The following ABL2 variants were observed in gnomAD, a reference collection of about 807,000 sequenced individuals.
ABL2 encodes the protein ABL proto-oncogene 2, non-receptor tyrosine kinase, also known as tyrosine-protein kinase ABL2.
In ABL2, 49 loss-of-function variants were observed where a neutral mutation model predicts 107.7. The observed-to-expected ratio is 0.45, with a 90% CI of 0.36 to 0.58. ABL2 has a LOEUF of 0.58. ABL2 is among the 20% of genes least tolerant of loss of function. The pLI, the probability that ABL2 is intolerant of heterozygous loss-of-function variation, is 0.00. For missense variants in ABL2, 1,245 were observed against 1,457.0 expected (o/e 0.85, Z 2.37); for synonymous variants, 549 against 548.6 (o/e 1.00, Z -0.01).
chr1:179,138,162 T>A (rs1657216907), intron 1 of ABL2, among the ~76,000 whole-genome samples: 1 of 152,228 alleles, frequency 6.6e-6, no homozygotes, highest in Admixed American at 6.5e-5. Context: ...ATCATGCTGA[T>A]AACTCAGTTA....
rs1226541641 is a variant in ABL2 at position 179,117,115 on chromosome 1, G to A, written c.1408+217C>T. On this transcript the variant is annotated intron_variant, in intron 8 of 11. Coordinates refer to ENST00000502732, the MANE Select transcript of ABL2 (RefSeq NM_007314.4). ...GGCCCAAAGTGCTGTAATTACAAAC[G>A]TGAGCCACCACACCAGGCCTATACT... 3.0e-5 allele frequency: 17 copies of A among 560,538 alleles called. No homozygotes were observed. In the Admixed American group the frequency reaches 4.7e-4, roughly 15 times the overall value. The allele number at this position is 560,538 out of a possible 1,614,324, so 34.7% of individuals were successfully genotyped here. A position where few individuals can be genotyped will look rare whatever the true frequency, so the allele number is the denominator to read the frequency against.
chr1:179,106,652 C>T lies in ABL2; in HGVS notation c.*1066G>A. The T allele has an allele frequency of 4.3e-6, 1 of 232,238 alleles. No homozygotes were observed. Among genetic ancestry groups the T allele is most frequent in the Admixed American group, 5.6e-5 (1 of 17,760 alleles). 14.4% of individuals were successfully genotyped at this position (232,238 alleles called of 1,614,324 possible). On this transcript the variant is annotated 3_prime_UTR_variant, in exon 12 of 12. Coordinates refer to ENST00000502732, the MANE Select transcript of ABL2 (RefSeq NM_007314.4). ...GGTACAGAGAAACAGCCATTAGGACCAAGCCAGCTTTTCCTCTCAGTCACA... is the reference window on the plus strand; with the variant it reads ...GGTACAGAGAAACAGCCATTAGGACTAAGCCAGCTTTTCCTCTCAGTCACA...
chr1:179,116,278 G>A (rs987111376), intron 8 of ABL2, among the ~76,000 whole-genome samples: 1 of 152,130 alleles, frequency 6.6e-6, no homozygotes, highest in African/African-American at 2.4e-5. Flanking sequence ...GGAGGCTGAG[G>A]CAGGAGAATC....
intron 1 of ABL2, among the ~76,000 whole-genome samples, chr1:179,133,938 C>T (rs1046761000): frequency 1.3e-5 from 2 of 152,118 alleles, no homozygotes; most frequent in East Asian, 1.9e-4. Flanking sequence ...GGGTGGAGTG[C>T]CAGTAACTGA....
In ABL2 at chr1:179,155,686, G is replaced by A. The variant is rs928939883; in HGVS notation, c.158-22312C>T. On this transcript the variant is annotated intron_variant, in intron 1 of 11. Coordinates refer to ENST00000502732, the MANE Select transcript of ABL2 (RefSeq NM_007314.4). The stretch of plus-strand genomic sequence containing the variant: ...GCAGAGGTTGCAATGAGCCGAGATC[G>A]GGCCACTACACTCCAGTCTGGGAGA... Among the ~76,000 whole-genome samples, 67 of 150,850 alleles carry A rather than the reference G, an allele frequency of 4.4e-4. 1 individual carries two copies. Among genetic ancestry groups the A allele is most frequent in the Admixed American group, 3.1e-3 (47 of 15,150 alleles).
chr1:179,186,116 G>A (rs971820658), intron 1 of ABL2, among the ~76,000 whole-genome samples: 12 of 152,020 alleles, frequency 7.9e-5, no homozygotes, highest in Admixed American at 2.0e-4. Context: ...ATGGTGGGGC[G>A]TGTCTATAAT....
chr1:179,161,814 A>T (rs1401222390), intron 1 of ABL2, among the ~76,000 whole-genome samples: 1 of 152,204 alleles, frequency 6.6e-6, no homozygotes, highest in African/African-American at 2.4e-5. Context: ...TTGATCCTCA[A>T]TGCAACAGTG....
intron 1 of ABL2, among the ~76,000 whole-genome samples, chr1:179,134,177 G>A (rs536405524): frequency 1.8e-4 from 27 of 152,234 alleles, no homozygotes; most frequent in African/African-American, 5.5e-4. Context: ...CTAAACAAAT[G>A]CCCAAATTAC....
At chr1:179,177,211 A>C (rs1009241342) in intron 1 of ABL2, among the ~76,000 whole-genome samples, 4 of 150,784 alleles carry the variant, frequency 2.7e-5, no homozygotes, top group African/African-American at 9.7e-5. Context: ...CAATGTGAGA[A>C]ATAAACAAAA....
chr1:179,203,434 T>A (rs1160750054), intron 1 of ABL2, among the ~76,000 whole-genome samples: 1 of 152,126 alleles, frequency 6.6e-6, no homozygotes, highest in Admixed American at 6.5e-5. Flanking sequence ...CAGACTGCCC[T>A]CTCACTGAGG....
At chr1:179,200,379 C>T (rs1188026218) in intron 1 of ABL2, among the ~76,000 whole-genome samples, 8 of 152,130 alleles carry the variant, frequency 5.3e-5, no homozygotes, top group Non-Finnish European at 8.8e-5. Flanking sequence ...TTTATGTTGT[C>T]GCACTTTCAG....
chr1:179,216,312 A>C (rs1357421920), intron 1 of ABL2, among the ~76,000 whole-genome samples: 1 of 152,216 alleles, frequency 6.6e-6, no homozygotes, highest in Non-Finnish European at 1.5e-5. Flanking sequence ...ATTTCATTTG[A>C]AAATACTGAC....
chr1:179,121,521 G>C (rs1412309031), intron 5 of ABL2, 74 bp downstream of exon 5: 1 of 1,543,708 alleles, frequency 6.5e-7, no homozygotes, highest in East Asian at 2.3e-5. Context: ...GTTAAAGAAG[G>C]GCATGCTGAT....
intron 1 of ABL2, among the ~76,000 whole-genome samples, chr1:179,218,852 T>C (rs1571341180): frequency 6.6e-6 from 1 of 152,342 alleles, no homozygotes; most frequent in South Asian, 2.1e-4. Context: ...CCCAGCAATC[T>C]GCTTTAACAA....
At chr1:179,122,617 C>T (rs1160639281) in intron 4 of ABL2, among the ~76,000 whole-genome samples, 7 of 151,528 alleles carry the variant, frequency 4.6e-5, no homozygotes, top group African/African-American at 1.7e-4. Context: ...TATATATATA[C>T]TCAAATTATG....
intron 1 of ABL2, among the ~76,000 whole-genome samples, chr1:179,147,788 A>T (rs1216276991): frequency 6.6e-6 from 1 of 152,204 alleles, no homozygotes; most frequent in Non-Finnish European, 1.5e-5. Flanking sequence ...CCCAGACTTC[A>T]CCACTAGGCA....
chr1:179,170,739 C>T, intron 1 of ABL2, among the ~76,000 whole-genome samples: 1 of 152,202 alleles, frequency 6.6e-6, no homozygotes, highest in East Asian at 1.9e-4. Context: ...GGATTACAGG[C>T]ACCTGCCACC....
chr1:179,224,750 T>C (rs1663096989), intron 1 of ABL2, among the ~76,000 whole-genome samples: 2 of 148,898 alleles, frequency 1.3e-5, no homozygotes, highest in African/African-American at 4.9e-5. Flanking sequence ...TCGCAGTGGC[T>C]CACGCCTATA....
At chr1:179,172,550 T>A (rs933595487) in intron 1 of ABL2, among the ~76,000 whole-genome samples, 3 of 152,204 alleles carry the variant, frequency 2.0e-5, no homozygotes, top group Admixed American at 1.3e-4. Flanking sequence ...GATAATCTGA[T>A]AAATAACTTG....
Sources: gnomAD v4.1 joint callset for allele counts (sites outside exome capture counted in the v4.1 genomes callset) on GRCh38, gnomAD v4.1.1 for gene constraint, MANE v1.5 for transcripts, NCBI Gene and HGNC (gene_info 2026-07-23, HGNC 2026-07-21) for gene names.